The following KCNAB1 variants were observed in gnomAD, a reference collection of about 807,000 sequenced individuals.
The protein encoded by KCNAB1 is voltage-gated potassium channel subunit beta-1.
A neutral mutation model predicts 64.6 loss-of-function variants in KCNAB1; 35 were observed. That is an observed-to-expected ratio of 0.54 (90% CI 0.41 to 0.72). KCNAB1 has a LOEUF of 0.72. Among genes scored for constraint, KCNAB1 ranks in the 30% least tolerant of loss-of-function variants. The pLI is 0.00. For missense variants in KCNAB1, 401 were observed against 512.9 expected (o/e 0.78, Z 2.11); for synonymous variants, 177 against 183.8 (o/e 0.96, Z 0.30).
intron 1 of KCNAB1, among the ~76,000 whole-genome samples, chr3:156,171,817 T>G (rs1048070979): frequency 3.9e-5 from 6 of 152,218 alleles, no homozygotes; most frequent in Non-Finnish European, 8.8e-5. Context: ...TTGAAATCAG[T>G]GACAAAAATG....
chr3:156,532,110 A>G (rs995408468), intron 13 of KCNAB1, among the ~76,000 whole-genome samples: 18 of 152,214 alleles, frequency 1.2e-4, no homozygotes, highest in Admixed American at 9.8e-4. Context: ...AAATGGGCTC[A>G]AAATTCTATT....
intron 7 of KCNAB1, among the ~76,000 whole-genome samples, chr3:156,469,752 T>A (rs1002322420): frequency 6.9e-4 from 105 of 152,218 alleles, no homozygotes; most frequent in African/African-American, 2.4e-3. Flanking sequence ...GTCCATAGTT[T>A]CTGCCAAAGA....
At chr3:156,344,124 C>T (rs1051266791) in intron 1 of KCNAB1, among the ~76,000 whole-genome samples, 1 of 152,168 alleles carries the variant, frequency 6.6e-6, no homozygotes, top group Non-Finnish European at 1.5e-5. Flanking sequence ...ACCCCACCCC[C>T]ACAATGTCTT....
chr3:156,523,790 C>G, intron 11 of KCNAB1, 37 bp from the exon 12 acceptor site: 1 of 1,580,672 alleles, frequency 6.3e-7, no homozygotes, highest in Non-Finnish European at 8.6e-7. Context: ...CAGATCTTTA[C>G]CAGACATTAA....
intron 1 of KCNAB1, among the ~76,000 whole-genome samples, chr3:156,222,858 G>A (rs185918911): frequency 5.7e-4 from 87 of 152,246 alleles, no homozygotes; most frequent in Admixed American, 4.6e-3. Flanking sequence ...ATCAAGATGG[G>A]AATTAAAAAA....
chr3:156,356,190 G>A, intron 1 of KCNAB1, among the ~76,000 whole-genome samples: 1 of 150,174 alleles, frequency 6.7e-6, no homozygotes. Context: ...GAAAAAGAAA[G>A]AAAGAAAGAA....
At chr3:156,325,353 T>A (rs1319385559) in intron 1 of KCNAB1, among the ~76,000 whole-genome samples, 1 of 152,166 alleles carries the variant, frequency 6.6e-6, no homozygotes, top group East Asian at 1.9e-4. Flanking sequence ...TTTTATAAAC[T>A]GATATCCATG....
At chr3:156,422,505 G>T (rs1167373309) in intron 2 of KCNAB1, among the ~76,000 whole-genome samples, 2 of 152,216 alleles carry the variant, frequency 1.3e-5, no homozygotes, top group South Asian at 2.1e-4. Context: ...TGACTCTAAG[G>T]ATTTTTTGCC....
At chr3:156,311,450 G>A (rs1721895830) in intron 1 of KCNAB1, among the ~76,000 whole-genome samples, 1 of 152,166 alleles carries the variant, frequency 6.6e-6, no homozygotes, top group Non-Finnish European at 1.5e-5. Context: ...GGTAGGGGTT[G>A]GGTCCTACCA....
chr3:156,138,514 A>C (rs76016810), intron 1 of KCNAB1, among the ~76,000 whole-genome samples: 1 of 152,212 alleles, frequency 6.6e-6, no homozygotes, highest in Non-Finnish European at 1.5e-5. Flanking sequence ...ACAGTGTTCA[A>C]CAAATCACCT....
At chr3:156,327,624 G>A (rs1349487120) in intron 1 of KCNAB1, among the ~76,000 whole-genome samples, 1 of 152,106 alleles carries the variant, frequency 6.6e-6, no homozygotes, top group Admixed American at 6.6e-5. Context: ...AGCATTCATT[G>A]TAGCATGGGA....
At chr3:156,469,030 G>A (rs1233372589) in intron 7 of KCNAB1, among the ~76,000 whole-genome samples, 1 of 152,116 alleles carries the variant, frequency 6.6e-6, no homozygotes, top group East Asian at 1.9e-4. Context: ...TATGTTTCCC[G>A]AAAAGTTCTT....
intron 1 of KCNAB1, among the ~76,000 whole-genome samples, chr3:156,356,996 T>C (rs532268911): frequency 6.6e-6 from 1 of 152,330 alleles, no homozygotes; most frequent in South Asian, 2.1e-4. Context: ...GCCTCTGGCA[T>C]GTTGTGATGT....
At chr3:156,386,167 G>T (rs1447232902) in intron 1 of KCNAB1, among the ~76,000 whole-genome samples, 1 of 152,196 alleles carries the variant, frequency 6.6e-6, no homozygotes, top group African/African-American at 2.4e-5. Context: ...AAAGGCTTTA[G>T]AACAGAAAAG....
chr3:156,255,393 T>TG (rs1417170344), intron 1 of KCNAB1, among the ~76,000 whole-genome samples: 15 of 152,288 alleles, frequency 9.8e-5, no homozygotes, highest in East Asian at 7.7e-4. Flanking sequence ...CTGTAGACTG[T>TG]GGTGTTCAAA....
At chr3:156,433,374 C>T (rs939483976) in intron 2 of KCNAB1, among the ~76,000 whole-genome samples, 10 of 152,142 alleles carry the variant, frequency 6.6e-5, no homozygotes, top group East Asian at 1.9e-4. Context: ...TATGGAATGA[C>T]GAGTGAAAGA....
intron 8 of KCNAB1, among the ~76,000 whole-genome samples, chr3:156,510,642 A>G (rs1483703773): frequency 6.6e-6 from 1 of 152,064 alleles, no homozygotes; most frequent in Non-Finnish European, 1.5e-5. Context: ...GTGGCTTCCA[A>G]TGGCTCCAAC....
At chr3:156,220,293 A>G (rs1301788672) in intron 1 of KCNAB1, among the ~76,000 whole-genome samples, 1 of 152,186 alleles carries the variant, frequency 6.6e-6, no homozygotes, top group Non-Finnish European at 1.5e-5. Context: ...GAATCGCCAC[A>G]CTGTCTTCCA....
chr3:156,338,109 C>T (rs1383609915), intron 1 of KCNAB1, among the ~76,000 whole-genome samples: 3 of 152,080 alleles, frequency 2.0e-5, no homozygotes, highest in African/African-American at 4.8e-5. Context: ...CTGTGCCTCT[C>T]CAGGTACTGC....
Sources: allele counts gnomAD v4.1 joint callset (sites outside exome capture counted in the v4.1 genomes callset), GRCh38; gene constraint gnomAD v4.1.1; transcripts MANE v1.5; gene names NCBI Gene and HGNC (gene_info 2026-07-23, HGNC 2026-07-21).